EML6: variants seen among roughly 807,000 people sequenced by gnomAD.
The protein encoded by EML6 is echinoderm microtubule-associated protein-like 6.
A neutral mutation model predicts 240.1 loss-of-function variants in EML6; 154 were observed. The observed-to-expected ratio is 0.64, with a 90% CI of 0.56 to 0.73. EML6 has a LOEUF of 0.73. Among genes scored for constraint, EML6 ranks in the 30% least tolerant of loss-of-function variants. EML6 has a pLI of 0.00. For synonymous variants in EML6, 1,148 were observed against 899.0 expected (o/e 1.28, Z -4.95); for missense variants, 2,964 against 2,474.6 (o/e 1.20, Z -4.20).
chr2:54,810,496 T>C (rs1667780887), intron 2 of EML6, among the ~76,000 whole-genome samples: 1 of 152,254 alleles, frequency 6.6e-6, no homozygotes, highest in African/African-American at 2.4e-5. Flanking sequence ...TGCTTCTGGA[T>C]GCTTCAGAAT....
intron 6 of EML6, among the ~76,000 whole-genome samples, chr2:54,828,774 G>A (rs962078241): frequency 6.6e-6 from 1 of 152,194 alleles, no homozygotes; most frequent in Non-Finnish European, 1.5e-5. Context: ...ATTTTCCTGT[G>A]GAGGAGCATC....
intron 2 of EML6, among the ~76,000 whole-genome samples, chr2:54,753,669 T>G (rs954489686): frequency 3.7e-4 from 56 of 151,202 alleles, no homozygotes; most frequent in African/African-American, 9.7e-4. Context: ...TGAGTTTTTT[T>G]TTTTTTTTTT....
In EML6 at chr2:54,892,601, T is replaced by A; in HGVS notation, c.2687T>A (p.Leu896Gln). 1 of 1,551,820 alleles carries A rather than the reference T, an allele frequency of 6.4e-7. No homozygotes were observed. ...DIFIWKDILL[L>Q]KTVKAHDGPV... ...TTTATTTGGAAAGACATTCTACTAC[T>A]GAAGACAGTGAAAGCTCATGATGGG... Residue 896 changes from leucine (L) to glutamine (Q), a missense_variant, in exon 19 of 42, where the codon CTG becomes CAG. Coordinates refer to ENST00000356458, the MANE Select transcript of EML6 (RefSeq NM_001039753.4).
At chr2:54,845,109 T>G (rs72808627) in intron 8 of EML6, among the ~76,000 whole-genome samples, 2,066 of 152,340 alleles carry the variant, frequency 0.014, 21 homozygotes, top group Non-Finnish European at 0.022. Context: ...CCACCTCCCT[T>G]ATTTTGTGTG....
At chr2:54,908,376 AT>A (rs910518837) in intron 24 of EML6, among the ~76,000 whole-genome samples, 1 of 151,770 alleles carries the variant, frequency 6.6e-6, no homozygotes, top group Non-Finnish European at 1.5e-5. Flanking sequence ...TGCCCGGCTA[AT>A]TTTTTTTCTG....
At chr2:54,748,242 T>C (rs1354567321) in intron 2 of EML6, 1 of 152,234 alleles carries the variant, frequency 6.6e-6, no homozygotes, top group Non-Finnish European at 1.5e-5. Flanking sequence ...TTATTTCCTT[T>C]TCATACGAAA....
intron 11 of EML6, among the ~76,000 whole-genome samples, chr2:54,854,766 AT>A (rs1670282295): frequency 6.6e-6 from 1 of 152,276 alleles, no homozygotes; most frequent in Non-Finnish European, 1.5e-5. Context: ...CAAAATGACC[AT>A]CCGTTTAAAA....
chr2:54,757,613 C>T (rs1230581043), intron 2 of EML6, among the ~76,000 whole-genome samples: 1 of 152,198 alleles, frequency 6.6e-6, no homozygotes, highest in Non-Finnish European at 1.5e-5. Context: ...GAGAGTAAAT[C>T]TCCAGAGTTC....
intron 29 of EML6, 102 bp downstream of exon 29, chr2:54,949,062 G>A (rs896726325): frequency 1.1e-5 from 10 of 869,996 alleles, no homozygotes; most frequent in Middle Eastern, 2.2e-4. Flanking sequence ...ATGAAACGGA[G>A]TAGGTCCCTT....
intron 28 of EML6, among the ~76,000 whole-genome samples, chr2:54,945,571 G>A (rs1156413698): frequency 6.6e-6 from 1 of 152,076 alleles, no homozygotes; most frequent in African/African-American, 2.4e-5. Context: ...CTCCCCAGTT[G>A]GCTCTCATGT....
At chr2:54,740,535 G>A (rs760405064) in intron 2 of EML6, among the ~76,000 whole-genome samples, 1 of 152,136 alleles carries the variant, frequency 6.6e-6, no homozygotes, top group Non-Finnish European at 1.5e-5. Flanking sequence ...TTTCATCTGG[G>A]TTTTAAGCTT....
chr2:54,968,377 A>G (rs554427046), intron 40 of EML6, 96 bp downstream of exon 40: 1 of 1,177,280 alleles, frequency 8.5e-7, no homozygotes, highest in East Asian at 2.6e-5. Context: ...GGAGACACAG[A>G]GAAACCCTGT....
chr2:54,765,338 G>A (rs919731023), intron 2 of EML6, among the ~76,000 whole-genome samples: 2 of 152,126 alleles, frequency 1.3e-5, no homozygotes, highest in African/African-American at 4.8e-5. Flanking sequence ...AACTTGTTAT[G>A]AATTATCTAT....
At chr2:54,827,280 A>G (rs1668642816) in intron 5 of EML6, among the ~76,000 whole-genome samples, 1 of 152,262 alleles carries the variant, frequency 6.6e-6, no homozygotes, top group South Asian at 2.1e-4. Flanking sequence ...TCCAACTCTG[A>G]GAACATTATC....
chr2:54,803,754 C>G (rs1670303633), intron 2 of EML6, among the ~76,000 whole-genome samples: 1 of 152,140 alleles, frequency 6.6e-6, no homozygotes, highest in African/African-American at 2.4e-5. Flanking sequence ...TGACGAGCCA[C>G]ATGGAGAAAA....
chr2:54,931,296 A>C (rs372134811), intron 28 of EML6, among the ~76,000 whole-genome samples: 1 of 152,172 alleles, frequency 6.6e-6, no homozygotes, highest in Non-Finnish European at 1.5e-5. Flanking sequence ...GAACATTGCC[A>C]GGCAAGGCAG....
chr2:54,843,811 CTA>C (rs1259531824), intron 7 of EML6, among the ~76,000 whole-genome samples: 7 of 139,570 alleles, frequency 5.0e-5, no homozygotes, highest in Non-Finnish European at 9.1e-5. Context: ...CCACTGCACT[CTA>C]TAGTCTGGGT....
chr2:54,816,878 C>G lies in EML6; in HGVS notation c.449C>G (p.Ser150Cys). Reference protein sequence around the residue: ...GKLLASATGHSDRIFDISWDP... With the variant: ...GKLLASATGHCDRIFDISWDP... ...CTTCTGGCGTCAGCCACCGGCCATT[C>G]TGACAGGGTAAGAACTTGTTGGATC... Residue 150 changes from serine (S) to cysteine (C), a missense_variant, in exon 4 of 42, where the codon TCT becomes TGT. Coordinates refer to ENST00000356458, the MANE Select transcript of EML6 (RefSeq NM_001039753.4). 6.5e-7 allele frequency: 1 copy of G among 1,549,690 alleles called. No homozygotes were observed. Among genetic ancestry groups the G allele is most frequent in the South Asian group, 1.2e-5 (1 of 84,018 alleles).
At chr2:54,847,757 G>GGT in intron 9 of EML6, 134 bp downstream of exon 9, 1 of 811,768 alleles carries the variant, frequency 1.2e-6, no homozygotes, top group South Asian at 2.7e-5. Context: ...ATAGATCTAC[G>GGT]ATCCCCTATC....
Sources: allele counts gnomAD v4.1 joint callset (sites outside exome capture counted in the v4.1 genomes callset), GRCh38; gene constraint gnomAD v4.1.1; transcripts MANE v1.5; gene names NCBI Gene and HGNC (gene_info 2026-07-23, HGNC 2026-07-21).